The following CTPS1 variants were observed in gnomAD, a reference collection of about 807,000 sequenced individuals.
CTPS1 encodes CTP synthetase 1.
In CTPS1, 25 loss-of-function variants were observed where a neutral mutation model predicts 80.5. That is an observed-to-expected ratio of 0.31 (90% CI 0.23 to 0.43). The LOEUF is 0.43. Ranked by LOEUF, CTPS1 falls within the 20% of genes least tolerant of loss-of-function variation. The pLI is 1.00. For synonymous variants in CTPS1, 267 were observed against 252.5 expected (o/e 1.06, Z -0.54); for missense variants, 442 against 725.7 (o/e 0.61, Z 4.49).
Position 40,984,984 on chromosome 1 carries a change from T to C in CTPS1, c.330T>C (p.Thr110=), listed in dbSNP as rs754744599. ...KERKGDYLGK[T]VQVVPHITDA... is the part of the protein sequence containing the mutation. Reference sequence around the variant, plus strand: ...GGAAAGGAGATTACTTGGGGAAAACTGTCCAAGGTAATACTGGATTTACCT... The same window carrying C: ...GGAAAGGAGATTACTTGGGGAAAACCGTCCAAGGTAATACTGGATTTACCT... Residue 110 remains threonine (T), a synonymous_variant, in exon 3 of 19, where the codon ACT becomes ACC. Transcript: ENST00000650070. 6.4e-7 allele frequency: 1 copy of C among 1,568,834 alleles called. No homozygotes were observed. The highest frequency in any genetic ancestry group is 1.2e-5 in the South Asian group (1 of 85,554).
intron 9 of CTPS1, among the ~76,000 whole-genome samples, chr1:41,000,472 C>T (rs1004558290): frequency 6.7e-6 from 1 of 150,352 alleles, no homozygotes; most frequent in Non-Finnish European, 1.5e-5. Flanking sequence ...AGGCTAGTCT[C>T]GAACTCCTGA....
At chr1:40,988,788 C>A in intron 5 of CTPS1, 78 bp downstream of exon 5, 1 of 949,410 alleles carries the variant, frequency 1.1e-6, no homozygotes, top group Non-Finnish European at 1.7e-6. Context: ...GATTTTCACT[C>A]ATTGTCTAGT....
Position 41,006,079 on chromosome 1 carries a change from G to A in CTPS1, c.1281G>A (p.Thr427=), listed in dbSNP as rs145143197. ...QDANSTEFDP[T]TSHPVVVDMP... ...CCAATTCTACAGAGTTTGACCCTACGACCAGTCATCCCGTGGTGAGTCAAG... is the reference window on the plus strand; with the variant it reads ...CCAATTCTACAGAGTTTGACCCTACAACCAGTCATCCCGTGGTGAGTCAAG... The change falls in exon 13 of 19, where the codon ACG becomes ACA. Residue 427 remains threonine (T), a synonymous_variant. Transcript: ENST00000650070. 1.0e-4 allele frequency: 166 copies of A among 1,613,624 alleles called. 1 individual carries two copies. The African/African-American group carries it at 1.5e-3, about 15-fold the overall frequency.
At chr1:40,984,125 A>G (rs1217094308) in intron 2 of CTPS1, among the ~76,000 whole-genome samples, 1 of 152,260 alleles carries the variant, frequency 6.6e-6, no homozygotes, top group African/African-American at 2.4e-5. Context: ...AAATGGCATC[A>G]GGAAAAGATC....
At chr1:40,993,031 ATTTAAGT>A (rs1642655443) in intron 7 of CTPS1, among the ~76,000 whole-genome samples, 1 of 151,146 alleles carries the variant, frequency 6.6e-6, no homozygotes, top group South Asian at 2.1e-4. Context: ...GTATTTCCAC[ATTTAAGT>A]TTAAGTTTCA....
At chr1:40,988,732 T>G (rs1376601812) in intron 5 of CTPS1, 22 bp downstream of exon 5, 1 of 1,527,634 alleles carries the variant, frequency 6.5e-7, no homozygotes, top group Non-Finnish European at 9.1e-7. Context: ...ATTGAAAGTT[T>G]TACTTTGGGG....
chr1:41,004,390 G>C (rs529063899), intron 12 of CTPS1: 1 of 152,392 alleles, frequency 6.6e-6, no homozygotes, highest in African/African-American at 2.4e-5. Context: ...TAGACAGCAT[G>C]CCCTTGAGTG....
chr1:41,002,346 A>G (rs1379794829), intron 11 of CTPS1, 92 bp downstream of exon 11: 2 of 988,108 alleles, frequency 2.0e-6, no homozygotes, highest in African/African-American at 1.6e-5. Flanking sequence ...TGGGGGGATT[A>G]CTGAAACATG....
chr1:40,982,144 G>A, intron 1 of CTPS1: 1 of 425,772 alleles, frequency 2.3e-6, no homozygotes, highest in Non-Finnish European at 4.0e-6. Flanking sequence ...ACCTCTTGTC[G>A]ATGCTGTTTT....
chr1:40,998,835 T>G (rs555227992), intron 9 of CTPS1, among the ~76,000 whole-genome samples: 33 of 152,316 alleles, frequency 2.2e-4, no homozygotes, highest in African/African-American at 7.9e-4. Flanking sequence ...CGTGAGAGTT[T>G]AGTTTGCTTT....
intron 7 of CTPS1, among the ~76,000 whole-genome samples, chr1:40,993,110 G>A (rs1484619836): frequency 1.3e-5 from 2 of 151,940 alleles, no homozygotes; most frequent in Admixed American, 1.3e-4. Flanking sequence ...GAGTGAAGTG[G>A]AGCAATCTCA....
intron 7 of CTPS1, among the ~76,000 whole-genome samples, chr1:40,992,089 C>T (rs1642625527): frequency 6.6e-6 from 1 of 152,134 alleles, no homozygotes; most frequent in Non-Finnish European, 1.5e-5. Context: ...CTTTCGGTTC[C>T]CCTAGTACCC....
chr1:40,991,608 C>T (rs74068298), intron 6 of CTPS1, among the ~76,000 whole-genome samples, 157 bp from the exon 7 acceptor site: 1 of 152,118 alleles, frequency 6.6e-6, no homozygotes, highest in Non-Finnish European at 1.5e-5. Context: ...AGCTTTGAAA[C>T]GAGTCATAAT....
At chr1:41,005,035 A>G (rs1023921039) in intron 12 of CTPS1, among the ~76,000 whole-genome samples, 1 of 152,278 alleles carries the variant, frequency 6.6e-6, no homozygotes, top group African/African-American at 2.4e-5. Flanking sequence ...AGGCCAAGAC[A>G]TGAGAATCAC....
At chr1:40,994,595 C>T (rs778621520) in intron 7 of CTPS1, among the ~76,000 whole-genome samples, 1 of 152,102 alleles carries the variant, frequency 6.6e-6, no homozygotes, top group Non-Finnish European at 1.5e-5. Context: ...CCTGTAAATT[C>T]TTTTGGTTTT....
intron 10 of CTPS1, 45 bp from the exon 11 acceptor site, chr1:41,002,115 T>C: frequency 1.3e-6 from 2 of 1,566,456 alleles, no homozygotes; most frequent in Non-Finnish European, 1.8e-6. Flanking sequence ...CAAGTTGGAC[T>C]GGTAGAAAAG....
chr1:41,006,067 G>A lies in CTPS1; in HGVS notation c.1269G>A (p.Glu423=), dbSNP rs780304885. Residue 423 remains glutamate (E), a synonymous_variant, in exon 13 of 19, where the codon GAG becomes GAA. Coordinates refer to ENST00000650070, the MANE Select transcript of CTPS1 (RefSeq NM_001905.4). The part of the protein sequence containing the change: ...VLGWQDANST[E]FDPTTSHPVV... ...GTATTTCAGATGCCAATTCTACAGA[G>A]TTTGACCCTACGACCAGTCATCCCG... 17 of 1,613,578 alleles carry A rather than the reference G, an allele frequency of 1.1e-5. No homozygotes were observed. The highest frequency in any genetic ancestry group is 6.7e-5 in the Admixed American group (4 of 59,988).
chr1:40,998,568 G>A (rs761990261), intron 9 of CTPS1, among the ~76,000 whole-genome samples: 48 of 152,240 alleles, frequency 3.2e-4, no homozygotes, highest in Admixed American at 8.5e-4. Context: ...TCCTCCTAGG[G>A]TTGTTGTAAG....
At chr1:40,995,228 ATTATTT>A (rs1474253890) in intron 7 of CTPS1, among the ~76,000 whole-genome samples, 1 of 151,990 alleles carries the variant, frequency 6.6e-6, no homozygotes, top group Non-Finnish European at 1.5e-5. Context: ...TATTATTATT[ATTATTT>A]TTAAGACAGG....
Sources: gnomAD v4.1 joint callset for allele counts (sites outside exome capture counted in the v4.1 genomes callset) on GRCh38, gnomAD v4.1.1 for gene constraint, MANE v1.5 for transcripts, NCBI Gene and HGNC (gene_info 2026-07-23, HGNC 2026-07-21) for gene names.